CDH12: variants seen among roughly 807,000 people sequenced by gnomAD.
CDH12 encodes cadherin-12.
CDH12 carries 41 observed loss-of-function variants against 74.1 expected under a neutral mutation model. That is an observed-to-expected ratio of 0.55 (90% CI 0.43 to 0.72). The LOEUF (loss-of-function observed/expected upper bound fraction) is 0.72. Ranked by LOEUF, CDH12 falls within the 30% of genes least tolerant of loss-of-function variation. The pLI is 0.00. For synonymous variants in CDH12, 399 were observed against 355.0 expected (o/e 1.12, Z -1.39); for missense variants, 945 against 977.2 (o/e 0.97, Z 0.44).
intron 5 of CDH12, among the ~76,000 whole-genome samples, chr5:22,059,124 GA>G (rs2150203105): frequency 6.6e-6 from 1 of 152,222 alleles, no homozygotes; most frequent in East Asian, 1.9e-4. Context: ...TAGTGAATAA[GA>G]AAGATAGGTT....
rs192626014 is a variant in CDH12, at chr5:22,767,532, T to A, written c.-523+85526A>T. On this transcript the variant is annotated intron_variant, in intron 1 of 14. Transcript: ENST00000382254. ...TCAACCCAGTCATAACAGGGCTTTT[T>A]TTTTCTGAAAAGAAAGGATGAACAT... Among the ~76,000 whole-genome samples, 880 of 152,048 alleles carry A rather than the reference T, an allele frequency of 5.8e-3. 6 individuals carry two copies. The highest frequency in any genetic ancestry group is 0.017 in the Middle Eastern group (5 of 294).
chr5:22,824,867 T>C (rs1029098798), intron 1 of CDH12, among the ~76,000 whole-genome samples: 6 of 151,762 alleles, frequency 4.0e-5, no homozygotes, highest in Admixed American at 6.6e-5. Context: ...TATATATGTG[T>C]GTCCAAAATT....
chr5:22,184,021 A>T (rs1430641150), intron 4 of CDH12, among the ~76,000 whole-genome samples: 1 of 97,666 alleles, frequency 1.0e-5, no homozygotes, highest in Non-Finnish European at 2.1e-5. Context: ...CCCTAGTGAT[A>T]AAAAAAAAAA....
chr5:22,401,959 TC>T (rs1742747479), intron 3 of CDH12, among the ~76,000 whole-genome samples: 2 of 152,296 alleles, frequency 1.3e-5, no homozygotes, highest in South Asian at 2.1e-4. Context: ...CTGAACAGAC[TC>T]TCTGAGCCTC....
chr5:22,197,114 T>C (rs1457926127), intron 4 of CDH12, among the ~76,000 whole-genome samples: 1 of 152,144 alleles, frequency 6.6e-6, no homozygotes, highest in Admixed American at 6.5e-5. Context: ...GTTTGTTGCA[T>C]TTCTAACACA....
In CDH12 at chr5:21,751,280, T is replaced by G. The variant is rs1284750771; in HGVS notation, c.*457A>C. 1 of 155,596 alleles carries G rather than the reference T, an allele frequency of 6.4e-6. No homozygotes were observed. The highest frequency in any genetic ancestry group is 6.3e-5 in the Admixed American group (1 of 15,932). The allele number at this position is 155,596 out of a possible 1,614,324, so 9.6% of individuals were successfully genotyped here. ...TGTCTTTGTTTTATGTCTTTATCTC[T>G]GAATCCCGCAATACCATCACAGCAG... On this transcript the variant is annotated 3_prime_UTR_variant, in exon 15 of 15. Coordinates refer to ENST00000382254, the MANE Select transcript of CDH12 (RefSeq NM_004061.5).
At chr5:21,769,950 T>C (rs931884527) in intron 11 of CDH12, among the ~76,000 whole-genome samples, 4 of 152,196 alleles carry the variant, frequency 2.6e-5, no homozygotes, top group South Asian at 4.1e-4. Flanking sequence ...ATGATTTCTA[T>C]TGGAGTCAAG....
intron 1 of CDH12, among the ~76,000 whole-genome samples, chr5:22,683,230 T>C (rs1741588116): frequency 6.6e-6 from 1 of 152,204 alleles, no homozygotes; most frequent in Admixed American, 6.5e-5. Flanking sequence ...TAACGTTTCT[T>C]CCAGAGAGCT....
At chr5:21,806,762 T>G (rs760831417) in intron 9 of CDH12, among the ~76,000 whole-genome samples, 1 of 152,212 alleles carries the variant, frequency 6.6e-6, no homozygotes, top group African/African-American at 2.4e-5. Context: ...GAGGGAAGTC[T>G]AGCATGGCGG....
chr5:22,636,394 A>G (rs1738842141), intron 1 of CDH12, among the ~76,000 whole-genome samples: 1 of 152,206 alleles, frequency 6.6e-6, no homozygotes, highest in South Asian at 2.1e-4. Flanking sequence ...TATTTATAAT[A>G]ATTAAAATGT....
At chr5:21,996,345 G>A (rs1736301217) in intron 5 of CDH12, among the ~76,000 whole-genome samples, 1 of 151,998 alleles carries the variant, frequency 6.6e-6, no homozygotes, top group Non-Finnish European at 1.5e-5. Flanking sequence ...AATATAAATT[G>A]GTAAGAAGAA....
chr5:22,257,776 G>A (rs1034200615), intron 3 of CDH12, among the ~76,000 whole-genome samples: 4 of 152,090 alleles, frequency 2.6e-5, no homozygotes, highest in Non-Finnish European at 4.4e-5. Flanking sequence ...GATTACAGGC[G>A]TGAGCCACGA....
intron 1 of CDH12, among the ~76,000 whole-genome samples, chr5:22,575,641 T>G (rs1280135633): frequency 3.3e-5 from 5 of 152,156 alleles, no homozygotes; most frequent in South Asian, 2.1e-4. Flanking sequence ...CTCGGATCAC[T>G]ACAACGTCTG....
At chr5:22,170,274 AGTT>A (rs1337165883) in intron 4 of CDH12, among the ~76,000 whole-genome samples, 1 of 151,878 alleles carries the variant, frequency 6.6e-6, no homozygotes, top group Admixed American at 6.6e-5. Context: ...AAAAACTTTA[AGTT>A]GTTCTGATTT....
intron 3 of CDH12, among the ~76,000 whole-genome samples, chr5:22,308,048 T>C (rs1362190126): frequency 6.6e-6 from 1 of 151,450 alleles, no homozygotes; most frequent in Non-Finnish European, 1.5e-5. Flanking sequence ...GCCCGGCTAA[T>C]TTTTTGTATT....
chr5:22,818,711 A>G (rs1181721830), intron 1 of CDH12, among the ~76,000 whole-genome samples: 2 of 152,188 alleles, frequency 1.3e-5, no homozygotes, highest in Admixed American at 6.5e-5. Flanking sequence ...CCAAGTAAGT[A>G]TATCTTTCTG....
intron 2 of CDH12, among the ~76,000 whole-genome samples, chr5:22,496,718 G>A (rs912298263): frequency 1.3e-5 from 2 of 152,128 alleles, no homozygotes; most frequent in Non-Finnish European, 1.5e-5. Flanking sequence ...GATCTTTTAA[G>A]ATTCATCAGC....
intron 5 of CDH12, among the ~76,000 whole-genome samples, chr5:22,037,051 T>G (rs1561044925): frequency 6.6e-6 from 1 of 152,124 alleles, no homozygotes. Context: ...GAAACAAAAT[T>G]TTTAAAATTA....
At chr5:22,501,860 T>C (rs1736167241) in intron 2 of CDH12, among the ~76,000 whole-genome samples, 3 of 152,050 alleles carry the variant, frequency 2.0e-5, no homozygotes, top group Non-Finnish European at 4.4e-5. Flanking sequence ...GCTGAGCAGA[T>C]CTGCTGTTCC....
Sources: allele counts gnomAD v4.1 joint callset (sites outside exome capture counted in the v4.1 genomes callset), GRCh38; gene constraint gnomAD v4.1.1; transcripts MANE v1.5; gene names NCBI Gene and HGNC (gene_info 2026-07-23, HGNC 2026-07-21).